TEX29: variants seen among roughly 807,000 people sequenced by gnomAD.
TEX29 encodes the protein testis-expressed protein 29.
Under a neutral mutation model 18.2 loss-of-function variants are expected in TEX29, and 26 were observed. The ratio of observed to expected loss-of-function variants is 1.43; its 90% CI spans 1.04 to 1.98. The LOEUF is 1.98. Ranked by LOEUF, TEX29 falls within the 30% of genes most tolerant of loss-of-function variation. The probability of loss-of-function intolerance (pLI) is 0.00; values close to 1 mark genes in which losing one functional copy is unlikely to be tolerated. For missense variants in TEX29, 177 were observed against 194.2 expected, an observed-to-expected ratio of 0.91 and a Z score of 0.53; for synonymous variants, 83 against 78.5, an observed-to-expected ratio of 1.06 and a Z score of -0.31.
chr13:111,336,051 G>C (rs2093689267), intron 3 of TEX29, among the ~76,000 whole-genome samples: 1 of 152,240 alleles, frequency 6.6e-6, no homozygotes, highest in Non-Finnish European at 1.5e-5. Flanking sequence ...TTCATGACTG[G>C]TGTTATAAGG....
Position 111,332,768 on chromosome 13 carries a change from A to G in TEX29, c.169+4475A>G, listed in dbSNP as rs144694619. 5.6e-4 allele frequency among the ~76,000 whole-genome samples: 86 copies of G among 152,252 alleles called. No homozygotes were observed. The East Asian group carries it at 9.1e-3, about 16-fold the overall frequency. Reference sequence around the variant, plus strand: ...TCCTGCTTTGTTGAGTGTTTTTATCATGAAAGGGTGTTGGATTTTTTTTTC... The same window carrying G: ...TCCTGCTTTGTTGAGTGTTTTTATCGTGAAAGGGTGTTGGATTTTTTTTTC... On this transcript the variant is annotated intron_variant, in intron 3 of 5. Transcript: ENST00000283547.
At chr13:111,335,036 A>C (rs1389619579) in intron 3 of TEX29, among the ~76,000 whole-genome samples, 1 of 152,258 alleles carries the variant, frequency 6.6e-6, no homozygotes, top group Non-Finnish European at 1.5e-5. Flanking sequence ...TGCCTCAAAC[A>C]AACAGATTTC....
chr13:111,327,413 A>G (rs139952025), intron 2 of TEX29, among the ~76,000 whole-genome samples: 14 of 152,276 alleles, frequency 9.2e-5, no homozygotes, highest in Non-Finnish European at 1.8e-4. Flanking sequence ...GGGGCCAGGG[A>G]AGACCCCCAG....
At chr13:111,342,489 G>T (rs1480877852) in intron 4 of TEX29, among the ~76,000 whole-genome samples, 1 of 144,600 alleles carries the variant, frequency 6.9e-6, no homozygotes, top group Non-Finnish European at 1.5e-5. Context: ...GAGCCCGGGA[G>T]TTGGAGGCTG....
At chr13:111,327,715 C>A (rs1321080725) in intron 2 of TEX29, among the ~76,000 whole-genome samples, 5 of 152,224 alleles carry the variant, frequency 3.3e-5, no homozygotes, top group Non-Finnish European at 7.3e-5. Flanking sequence ...CCCTTTTTCT[C>A]CCTTTGGGTC....
intron 2 of TEX29, 54 bp from the exon 3 acceptor site, chr13:111,328,129 G>C: frequency 8.4e-7 from 1 of 1,194,522 alleles, no homozygotes; most frequent in Non-Finnish European, 1.3e-6. Context: ...TTAGCGGAGA[G>C]CAGAGTGGCT....
rs144528120 is a variant in TEX29, at chr13:111,332,884, A to C, written c.169+4591A>C. On this transcript the variant is annotated intron_variant, in intron 3 of 5. Transcript: ENST00000283547. ...TTACTGTCTACTTTTCTTTCATTTC[A>C]TCCTAAGAGACTCCCTTTGGTATTT... Among the ~76,000 whole-genome samples, 28 of 152,102 alleles carry C rather than the reference A, an allele frequency of 1.8e-4. No homozygotes were observed. In the East Asian group the frequency reaches 5.4e-3, roughly 29 times the overall value.
Position 111,342,818 on chromosome 13 carries a change from C to G in TEX29, c.302C>G (p.Ser101Cys). Reference protein sequence around the residue: ...IPVDVALPQKSSEKAELASSS... With the variant: ...IPVDVALPQKCSEKAELASSS... Reference sequence around the variant, plus strand: ...GTGGATGTCGCGCTGCCACAGAAGTCCAGCGAAAAGGCGGAGTTGGCCTCA... The same window carrying G: ...GTGGATGTCGCGCTGCCACAGAAGTGCAGCGAAAAGGCGGAGTTGGCCTCA... Residue 101 changes from serine to cysteine, a missense_variant, in exon 5 of 6, where the codon TCC becomes TGC. Coordinates refer to ENST00000283547, the MANE Select transcript of TEX29 (RefSeq NM_152324.3). 6.2e-7 allele frequency: 1 copy of G among 1,614,090 alleles called. No homozygotes were observed. Among genetic ancestry groups the G allele is most frequent in the Non-Finnish European group, 8.5e-7 (1 of 1,180,042 alleles).
At chr13:111,342,300 G>A (rs921552932) in intron 4 of TEX29, among the ~76,000 whole-genome samples, 15 of 152,144 alleles carry the variant, frequency 9.9e-5, no homozygotes, top group African/African-American at 3.1e-4. Flanking sequence ...AAGATGAGCC[G>A]GCAGTAGCCT....
intron 4 of TEX29, 102 bp downstream of exon 4, chr13:111,340,034 T>G: frequency 9.2e-7 from 1 of 1,083,134 alleles, no homozygotes; most frequent in Non-Finnish European, 1.4e-6. Flanking sequence ...TTGGTGCTGC[T>G]GGGGTGACTG....
chr13:111,342,275 T>C (rs999719068), intron 4 of TEX29, among the ~76,000 whole-genome samples: 2 of 152,230 alleles, frequency 1.3e-5, no homozygotes, highest in African/African-American at 4.8e-5. Flanking sequence ...TGCTGTCTTA[T>C]GTGTGTTAAT....
At chr13:111,324,321 C>A (rs2093669369) in intron 2 of TEX29, among the ~76,000 whole-genome samples, 1 of 152,200 alleles carries the variant, frequency 6.6e-6, no homozygotes, top group African/African-American at 2.4e-5. Flanking sequence ...TGGAGGTGTC[C>A]CCTGGAGGCC....
rs1052295207 is a variant in TEX29 at position 111,320,956 on chromosome 13, G to C, written c.58+8G>C. On this transcript the variant is annotated splice_region_variant and intron_variant, in intron 2 of 5. Transcript: ENST00000283547. The stretch of plus-strand genomic sequence containing the variant: ...TCCTGAAGCAATTCACAGGTATGGA[G>C]GGAAGGCGCCAGGGGGGCGGGTGGG... 5 of 1,587,274 alleles carry C rather than the reference G, an allele frequency of 3.2e-6. No homozygotes were observed. The highest frequency in any genetic ancestry group is 2.4e-5 in the East Asian group (1 of 40,864).
At chr13:111,342,999 T>A (rs2093699147) in intron 5 of TEX29, 68 bp downstream of exon 5, 4 of 1,545,344 alleles carry the variant, frequency 2.6e-6, no homozygotes, top group South Asian at 1.2e-5. Flanking sequence ...CGGGAGACCT[T>A]CCCTGGGAAG....
chr13:111,336,086 CAAG>C (rs753669037), intron 3 of TEX29, among the ~76,000 whole-genome samples: 2 of 152,230 alleles, frequency 1.3e-5, no homozygotes, highest in Non-Finnish European at 2.9e-5. Context: ...CACAAGCTCT[CAAG>C]AAAGTTTTTG....
In TEX29 at chr13:111,343,996, A is replaced by G. The variant is rs1458853916; in HGVS notation, c.416-87A>G. On this transcript the variant is annotated intron_variant, in intron 5 of 5. Coordinates refer to ENST00000283547, the MANE Select transcript of TEX29 (RefSeq NM_152324.3). ...AATCATTGCCAATCAGACACCATGT[A>G]GATGGGTTCAAAGATCCTGATGAAA... 26 of 1,118,582 alleles carry G rather than the reference A, an allele frequency of 2.3e-5. No homozygotes were observed. In the East Asian group the frequency reaches 6.1e-4, roughly 26 times the overall value. The allele number at this position is 1,118,582 out of a possible 1,614,324, so 69.3% of individuals were successfully genotyped here.
upstream of TEX29, among the ~76,000 whole-genome samples, chr13:111,318,358 T>G (rs2093658082): frequency 6.6e-6 from 1 of 152,212 alleles, no homozygotes; most frequent in Non-Finnish European, 1.5e-5. Context: ...TAGCTAAAAT[T>G]GTGTCTGTCA....
chr13:111,342,517 G>A (rs1415407349), intron 4 of TEX29, among the ~76,000 whole-genome samples: 4 of 127,706 alleles, frequency 3.1e-5, no homozygotes, highest in African/African-American at 1.3e-4. Flanking sequence ...CCGTGTTTGT[G>A]CCATTGCACT....
At chr13:111,334,877 C>A (rs1426258938) in intron 3 of TEX29, among the ~76,000 whole-genome samples, 3 of 152,196 alleles carry the variant, frequency 2.0e-5, no homozygotes, top group Non-Finnish European at 4.4e-5. Context: ...CCTGTTCTGC[C>A]CGCTGCAGTG....
Sources: gnomAD v4.1 joint callset for allele counts (sites outside exome capture counted in the v4.1 genomes callset) on GRCh38, gnomAD v4.1.1 for gene constraint, MANE v1.5 for transcripts, NCBI Gene and HGNC (gene_info 2026-07-23, HGNC 2026-07-21) for gene names.